Variants in SETD5 observed in about 807,000 individuals in gnomAD.
SETD5 encodes histone-lysine N-methyltransferase SETD5.
In SETD5, 44 loss-of-function variants were observed where a neutral mutation model predicts 153.3. The ratio of observed to expected loss-of-function variants is 0.29; its 90% CI spans 0.23 to 0.37. The LOEUF is 0.37. Ranked by LOEUF, SETD5 falls within the 10% of genes least tolerant of loss-of-function variation. The pLI, the probability that SETD5 is intolerant of heterozygous loss-of-function variation, is 1.00. For synonymous variants in SETD5, 716 were observed against 645.2 expected (o/e 1.11, Z -1.66); for missense variants, 1,544 against 1,768.0 (o/e 0.87, Z 2.27).
intron 19 of SETD5, among the ~76,000 whole-genome samples, chr3:9,471,189 A>G (rs375062845): frequency 1.3e-5 from 2 of 152,310 alleles, no homozygotes. Flanking sequence ...AATTTTACCT[A>G]TTATTTAGTG....
At chr3:9,448,104 T>C in intron 15 of SETD5, 98 bp downstream of exon 15, 1 of 1,311,162 alleles carries the variant, frequency 7.6e-7, no homozygotes, top group South Asian at 1.5e-5. Flanking sequence ...AATCTCAATA[T>C]TACTAGATTG....
intron 17 of SETD5, among the ~76,000 whole-genome samples, chr3:9,461,113 C>T (rs938079905): frequency 6.6e-6 from 1 of 152,150 alleles, no homozygotes; most frequent in African/African-American, 2.4e-5. Flanking sequence ...AAGAAAAAGA[C>T]CCCAACACCT....
At chr3:9,431,190 A>T in intron 3 of SETD5, 1 of 985,450 alleles carries the variant, frequency 1.0e-6, no homozygotes, top group Non-Finnish European at 1.2e-6. Context: ...GAAAATTTGT[A>T]GATGTAACAA....
chr3:9,435,970 A>G (rs1331518106), intron 7 of SETD5, 64 bp downstream of exon 7: 22 of 1,412,226 alleles, frequency 1.6e-5, no homozygotes, highest in African/African-American at 2.9e-5. Context: ...TGGAGCAAGA[A>G]TGCACCAAAA....
At chr3:9,467,242 T>C (rs1171806398) in intron 18 of SETD5, among the ~76,000 whole-genome samples, 2 of 144,706 alleles carry the variant, frequency 1.4e-5, no homozygotes, top group East Asian at 2.0e-4. Context: ...ACTAGATTAG[T>C]TTGGGGAAGG....
intron 1 of SETD5, among the ~76,000 whole-genome samples, chr3:9,422,486 C>A (rs1281713927): frequency 6.6e-6 from 1 of 152,036 alleles, no homozygotes; most frequent in Non-Finnish European, 1.5e-5. Context: ...CACTGCCTCC[C>A]AAAAAGGTTT....
chr3:9,433,733 C>A, intron 3 of SETD5, 112 bp from the exon 4 acceptor site: 1 of 1,112,046 alleles, frequency 9.0e-7, no homozygotes, highest in Non-Finnish European at 1.3e-6. Context: ...TTTCTCTTAT[C>A]CTAGTGGCTA....
chr3:9,419,143 C>A (rs772248723), intron 1 of SETD5, among the ~76,000 whole-genome samples: 4 of 152,190 alleles, frequency 2.6e-5, no homozygotes, highest in Non-Finnish European at 5.9e-5. Flanking sequence ...CAGGATTTTT[C>A]TCCCCCTTCA....
At chr3:9,415,042 CA>C (rs1236859700) in intron 1 of SETD5, among the ~76,000 whole-genome samples, 3 of 152,186 alleles carry the variant, frequency 2.0e-5, no homozygotes, top group South Asian at 2.1e-4. Flanking sequence ...TGTTTGGGGT[CA>C]AACTCTGATA....
chr3:9,406,225 T>TA (rs1408801777), intron 1 of SETD5, among the ~76,000 whole-genome samples: 1 of 152,146 alleles, frequency 6.6e-6, no homozygotes, highest in East Asian at 1.9e-4. Context: ...GGCATATTTT[T>TA]AAAAAAACTT....
chr3:9,464,400 C>G (rs1460276571), intron 17 of SETD5, 25 bp from the exon 18 acceptor site: 1 of 1,594,856 alleles, frequency 6.3e-7, no homozygotes, highest in Non-Finnish European at 8.6e-7. Context: ...GTTTCAAACT[C>G]TCATCCAAGC....
rs976559125 is a variant in SETD5 at position 9,464,498 on chromosome 3, T to A, written c.2550T>A (p.Pro850=). 2 of 1,614,026 alleles carry A rather than the reference T, an allele frequency of 1.2e-6. No individual in the cohort carries two copies. The highest frequency in any genetic ancestry group is 2.2e-5 in the East Asian group (1 of 44,888). ...MEQNVTKLLR[P]LSPVTPPPPN... is the part of the protein sequence containing the mutation. The stretch of plus-strand genomic sequence containing the variant: ...AGAATGTCACCAAGTTACTTCGGCC[T>A]CTGTCTCCAGTCACACCACCCCCTC... Residue 850 remains proline (P), a synonymous_variant, in exon 18 of 23, where the codon CCT becomes CCA. Transcript: ENST00000402198.
At position 9,447,302 on chromosome 3, in the gene SETD5, G is replaced by A. The variant is rs1318817090; in HGVS notation, c.1777G>A (p.Ala593Thr). 1 of 1,612,430 alleles carries A rather than the reference G, an allele frequency of 6.2e-7. No homozygotes were observed. Among genetic ancestry groups the A allele is most frequent in the East Asian group, 2.2e-5 (1 of 44,880 alleles). The change falls in exon 14 of 23, where the codon GCA (alanine) becomes ACA (threonine). Residue 593 changes from alanine (A) to threonine (T), a missense_variant. By Grantham distance (58) the Ala-to-Thr change is moderately conservative. Around this residue, in one of 9 missense-constraint regions of SETD5, gnomAD observed 782 missense variants for 787.2 expected, o/e 0.99. Coordinates refer to ENST00000402198, the MANE Select transcript of SETD5 (RefSeq NM_001080517.3). ...VGVNTRRSSQ[A>T]GDIAAEKLVP... ...TGTGAATACCCGGAGGTCTTCCCAA[G>A]CAGGGGTAAGAGTTGAAAAGACTTC...
chr3:9,430,991 A>G, intron 3 of SETD5: 2 of 985,410 alleles, frequency 2.0e-6, no homozygotes, highest in Middle Eastern at 5.2e-4. Context: ...CTAGCTACAT[A>G]CCATTCTGTT....
Position 9,428,333 on chromosome 3 carries a change from A to G in SETD5, c.-116-490A>G, listed in dbSNP as rs2039564451. ...CTGTTTCCAATCAAGTATAAACAAC[A>G]AATTGATCTCTTTTAATTTGGAAGA... On this transcript the variant is annotated intron_variant, in intron 2 of 22. Transcript: ENST00000402198. Among the ~76,000 whole-genome samples, 3 of 152,240 alleles carry G rather than the reference A, an allele frequency of 2.0e-5. No homozygotes were observed. In the South Asian group the frequency reaches 6.2e-4, roughly 31 times the overall value.
At chr3:9,443,100 C>T (rs976796480) in intron 10 of SETD5, 7 of 443,912 alleles carry the variant, frequency 1.6e-5, no homozygotes, top group Non-Finnish European at 2.5e-5. Context: ...GGTTTCTCCA[C>T]ATATTTAAGA....
rs1182285811 is a variant in SETD5, at chr3:9,447,327, C to T, written c.1782+20C>T. 3 of 1,598,614 alleles carry T rather than the reference C, an allele frequency of 1.9e-6. No individual in the cohort carries two copies. The highest frequency in any genetic ancestry group is 2.2e-5 in the East Asian group (1 of 44,806). On this transcript the variant is annotated intron_variant, in intron 14 of 22. Coordinates refer to ENST00000402198, the MANE Select transcript of SETD5 (RefSeq NM_001080517.3). Reference sequence around the variant, plus strand: ...GCAGGGGTAAGAGTTGAAAAGACTTCAGCACTTAGACATCCTCACCTTTGC... The same window carrying T: ...GCAGGGGTAAGAGTTGAAAAGACTTTAGCACTTAGACATCCTCACCTTTGC...
At chr3:9,439,773 ACTC>A (rs1045562011) in intron 7 of SETD5, among the ~76,000 whole-genome samples, 5 of 151,658 alleles carry the variant, frequency 3.3e-5, no homozygotes, top group African/African-American at 1.2e-4. Context: ...CTCCCTACCT[ACTC>A]CTCTCCCCTC....
chr3:9,435,731 G>A lies in SETD5; in HGVS notation c.392G>A (p.Gly131Glu). 6.3e-7 allele frequency: 1 copy of A among 1,575,086 alleles called. No homozygotes were observed. The highest frequency in any genetic ancestry group is 1.2e-5 in the South Asian group (1 of 83,588). The part of the protein sequence containing the change: ...HRRKQDNISG[G>E]DSSATESWDE... The stretch of plus-strand genomic sequence containing the variant: ...CTATGAAATCATCATTTTTCAGGTG[G>A]GGATAGCAGTGCAACAGAAAGCTGG... Residue 131 changes from glycine to glutamate, a missense_variant, in exon 7 of 23, where the codon GGG becomes GAG. Transcript: ENST00000402198.
Sources: gnomAD v4.1 joint callset for allele counts (sites outside exome capture counted in the v4.1 genomes callset) on GRCh38, gnomAD v4.1.1 for gene constraint, gnomAD v4.1.1 regional missense constraint, MANE v1.5 for transcripts, NCBI Gene and HGNC (gene_info 2026-07-23, HGNC 2026-07-21) for gene names.